TMED6: variants seen among roughly 807,000 people sequenced by gnomAD.
TMED6 encodes transmembrane p24 trafficking protein 6, also known as transmembrane emp24 domain-containing protein 6.
A neutral mutation model predicts 26.5 loss-of-function variants in TMED6; 17 were observed. The ratio of observed to expected loss-of-function variants is 0.64; its 90% CI spans 0.44 to 0.96. The LOEUF (loss-of-function observed/expected upper bound fraction) is 0.96, where lower values mean the gene tolerates loss of function less well. Ranked by LOEUF, TMED6 falls within the 40% of genes least tolerant of loss-of-function variation. The pLI is 0.00. For synonymous variants in TMED6, 107 were observed against 106.2 expected, an observed-to-expected ratio of 1.01 and a Z score of -0.04; for missense variants, 309 against 296.5, an observed-to-expected ratio of 1.04 and a Z score of -0.31.
intron 2 of TMED6, among the ~76,000 whole-genome samples, chr16:69,348,722 C>T (rs2012729494): frequency 6.6e-6 from 1 of 152,030 alleles, no homozygotes; most frequent in Non-Finnish European, 1.5e-5. Flanking sequence ...TCAAGCAATT[C>T]TCTTGCCTCA....
At chr16:69,347,730 C>T in intron 3 of TMED6, 58 bp downstream of exon 3, 1 of 1,603,188 alleles carries the variant, frequency 6.2e-7, no homozygotes, top group South Asian at 1.1e-5. Context: ...GTCATCTTCC[C>T]TCTGAAGTTA....
intron 2 of TMED6, among the ~76,000 whole-genome samples, chr16:69,348,623 CT>C (rs758902556): frequency 1.9e-3 from 277 of 144,626 alleles, no homozygotes; most frequent in Middle Eastern, 3.5e-3. Flanking sequence ...TGTTCAAGAT[CT>C]TTTTTTTTTT....
intron 1 of TMED6, among the ~76,000 whole-genome samples, chr16:69,350,508 C>G (rs2012759617): frequency 6.6e-6 from 1 of 152,020 alleles, no homozygotes; most frequent in South Asian, 2.1e-4. Flanking sequence ...CCATATTGGC[C>G]AAGGTGGTCT....
Position 69,351,542 on chromosome 16 carries a change from T to C in TMED6, c.212A>G (p.Glu71Gly). The change falls in exon 1 of 4, where the codon GAG becomes GGG. Residue 71 changes from glutamate (E) to glycine (G), a missense_variant and splice_region_variant. Glu to Gly is a moderately conservative substitution (Grantham distance 98, BLOSUM62 -2). Transcript: ENST00000288025. ...HQTGYFYFSY[E>G]VQRTVGMSHD... is the part of the protein sequence containing the mutation. ...CAGTATGGCCAGTCACCCACATACC[T>C]CGTAACTGAAATAGAAGTATCCAGT... The C allele has an allele frequency of 1.2e-6, 2 of 1,613,346 alleles. No homozygotes were observed. Among genetic ancestry groups the C allele is most frequent in the Non-Finnish European group, 8.5e-7 (1 of 1,179,818 alleles).
chr16:69,343,582 G>A lies in TMED6; in HGVS notation c.548C>T (p.Ala183Val). 6.2e-7 allele frequency: 1 copy of A among 1,614,158 alleles called. No individual in the cohort carries two copies. ...AAAGTCAGCCATTTTCCTCATCCGG[G>A]CAAAGTTGTAGTATCGCCACATGTG... ...IFHMWRYYNF[A>V]RMRKMADFFL... The change falls in exon 4 of 4, where the codon GCC (alanine) becomes GTC (valine). Residue 183 changes from alanine (A) to valine (V), a missense_variant. By Grantham distance (64) the Ala-to-Val change is moderately conservative. Coordinates refer to ENST00000288025, the MANE Select transcript of TMED6 (RefSeq NM_144676.4).
At chr16:69,345,678 CAAAAAAAAAAA>C (rs34468905) in intron 3 of TMED6, among the ~76,000 whole-genome samples, 19 of 43,430 alleles carry the variant, frequency 4.4e-4, no homozygotes, top group East Asian at 2.6e-3. Context: ...CTGACTCTCT[CAAAAAAAAAAA>C]AAAAAAAAAA....
chr16:69,351,689 T>C lies in TMED6; in HGVS notation c.65A>G (p.Gln22Arg), dbSNP rs1372258977. ...AGAGCCACTTAGAGGTTCTGTCTTC[T>C]GGCTCCTGGCAGACGTCACTAGATT... ...VLNLVTSARS[Q>R]KTEPLSGSGD... Residue 22 changes from glutamine to arginine, a missense_variant, in exon 1 of 4, where the codon CAG becomes CGG. Physicochemically the swap from Gln to Arg is conservative, Grantham distance 43. Transcript: ENST00000288025. The C allele has an allele frequency of 5.0e-6, 8 of 1,613,762 alleles. No homozygotes were observed. The highest frequency in any genetic ancestry group is 5.9e-6 in the Non-Finnish European group (7 of 1,180,000).
intron 2 of TMED6, chr16:69,348,429 G>T (rs1356414791): frequency 1.4e-5 from 2 of 145,886 alleles, no homozygotes; most frequent in Non-Finnish European, 3.0e-5. Flanking sequence ...GGTTATATCT[G>T]TTGGGGCTGG....
At chr16:69,351,504 A>T (rs771736220) in intron 1 of TMED6, 37 bp downstream of exon 1, 5 of 1,594,918 alleles carry the variant, frequency 3.1e-6, no homozygotes, top group Non-Finnish European at 4.3e-6. Flanking sequence ...AAAGGAGAAA[A>T]AAAAAAGCCC....
At position 69,349,461 on chromosome 16, in the gene TMED6, C is replaced by T. The variant is rs1396313803; in HGVS notation, c.340+64G>A. On this transcript the variant is annotated intron_variant, in intron 2 of 3. Transcript: ENST00000288025. ...GTTAAAACATCTCTGTATACTTCCTCATTATTTCTGTAATTTCATAGGACC... is the reference window on the plus strand; with the variant it reads ...GTTAAAACATCTCTGTATACTTCCTTATTATTTCTGTAATTTCATAGGACC... The T allele has an allele frequency of 5.1e-6, 8 of 1,560,544 alleles. No individual in the cohort carries two copies. The African/African-American group carries it at 8.2e-5, about 16-fold the overall frequency.
intron 2 of TMED6, 170 bp from the exon 3 acceptor site, chr16:69,348,106 C>T (rs2012715315): frequency 3.0e-6 from 2 of 658,906 alleles, no homozygotes; most frequent in Non-Finnish European, 4.9e-6. Context: ...TTATGTTAAA[C>T]TTATACTAAA....
chr16:69,349,417 G>A, intron 2 of TMED6, 108 bp downstream of exon 2: 1 of 1,372,528 alleles, frequency 7.3e-7, no homozygotes, highest in South Asian at 1.4e-5. Context: ...GGTGTTAAAG[G>A]CTGAATTTTT....
chr16:69,349,514 T>C lies in TMED6; in HGVS notation c.340+11A>G, dbSNP rs768478768. Reference sequence around the variant, plus strand: ...ATGATTATTATAATAGCCATGGTAATGAAAACAGACCTGTCTCTTGGGTAG... The same window carrying C: ...ATGATTATTATAATAGCCATGGTAACGAAAACAGACCTGTCTCTTGGGTAG... On this transcript the variant is annotated intron_variant, in intron 2 of 3. Coordinates refer to ENST00000288025, the MANE Select transcript of TMED6 (RefSeq NM_144676.4). The C allele has an allele frequency of 6.2e-7, 1 of 1,612,452 alleles. No homozygotes were observed. The highest frequency in any genetic ancestry group is 8.5e-7 in the Non-Finnish European group (1 of 1,179,004).
rs2012613796 is a variant in TMED6 at position 69,343,350 on chromosome 16, A to G, written c.*57T>C. The G allele has an allele frequency of 6.8e-7, 1 of 1,461,046 alleles. No homozygotes were observed. The highest frequency in any genetic ancestry group is 2.4e-5 in the East Asian group (1 of 42,114). 90.5% of individuals were successfully genotyped at this position (1,461,046 alleles called of 1,614,324 possible). A position where few individuals can be genotyped will look rare whatever the true frequency, so the allele number is the denominator to read the frequency against. The stretch of plus-strand genomic sequence containing the variant: ...TTGATTTTTGTCCCATAACATTACA[A>G]AGCTGATTCGACTAAGCCCCAGAAG... On this transcript the variant is annotated 3_prime_UTR_variant, in exon 4 of 4. Coordinates refer to ENST00000288025, the MANE Select transcript of TMED6 (RefSeq NM_144676.4).
intron 3 of TMED6, 22 bp from the exon 4 acceptor site, chr16:69,343,662 G>A (rs377097944): frequency 2.5e-5 from 40 of 1,601,802 alleles, no homozygotes; most frequent in Non-Finnish European, 3.2e-5. Flanking sequence ...ACAATTTTAA[G>A]GGGGATTCTT....
chr16:69,351,563 C>G lies in TMED6; in HGVS notation c.191G>C (p.Gly64Ala), dbSNP rs375396172. Residue 64 changes from glycine to alanine, a missense_variant, in exon 1 of 4, where the codon GGA (glycine) becomes GCA (alanine). Transcript: ENST00000288025. ...TACCTCGTAACTGAAATAGAAGTATCCAGTCTGGTGGGCAAATTGCCAAAA... is the reference window on the plus strand; with the variant it reads ...TACCTCGTAACTGAAATAGAAGTATGCAGTCTGGTGGGCAAATTGCCAAAA... ...ECFWQFAHQT[G>A]YFYFSYEVQR... 8.7e-6 allele frequency: 14 copies of G among 1,613,952 alleles called. No homozygotes were observed. Among genetic ancestry groups the G allele is most frequent in the Non-Finnish European group, 1.2e-5 (14 of 1,180,022 alleles).
At chr16:69,344,247 A>G (rs1213618734) in intron 3 of TMED6, among the ~76,000 whole-genome samples, 1 of 152,164 alleles carries the variant, frequency 6.6e-6, no homozygotes, top group African/African-American at 2.4e-5. Context: ...GTGATGTTTT[A>G]TGTTCTCTGT....
chr16:69,344,053 G>A (rs1400309558), intron 3 of TMED6, among the ~76,000 whole-genome samples: 1 of 151,206 alleles, frequency 6.6e-6, no homozygotes, highest in Non-Finnish European at 1.5e-5. Context: ...GGCTCATCTC[G>A]AACTACTGGG....
intron 2 of TMED6, 135 bp from the exon 3 acceptor site, chr16:69,348,071 G>A (rs1049225447): frequency 2.5e-5 from 23 of 933,696 alleles, no homozygotes; most frequent in South Asian, 1.7e-4. Flanking sequence ...CAAAGATCCC[G>A]TTTTTGACAT....
Sources: gnomAD v4.1 joint callset for allele counts (sites outside exome capture counted in the v4.1 genomes callset) on GRCh38, gnomAD v4.1.1 for gene constraint, MANE v1.5 for transcripts, NCBI Gene and HGNC (gene_info 2026-07-23, HGNC 2026-07-21) for gene names.